EGFLAM: variants seen among roughly 807,000 people sequenced by gnomAD.
EGFLAM encodes the protein pikachurin.
EGFLAM carries 79 observed loss-of-function variants against 113.1 expected under a neutral mutation model. The observed-to-expected ratio is 0.70, with a 90% CI of 0.58 to 0.84. The LOEUF (loss-of-function observed/expected upper bound fraction) is 0.84, where lower values mean the gene tolerates loss of function less well. EGFLAM is among the 40% of genes least tolerant of loss of function. The probability of loss-of-function intolerance (pLI) is 0.00; values close to 1 mark genes in which losing one functional copy is unlikely to be tolerated. For synonymous variants in EGFLAM, 504 were observed against 487.6 expected, an observed-to-expected ratio of 1.03 and a Z score of -0.44; for missense variants, 1,265 against 1,291.6, an observed-to-expected ratio of 0.98 and a Z score of 0.32.
chr5:38,274,731 G>A (rs7725096), intron 1 of EGFLAM, among the ~76,000 whole-genome samples: 62,908 of 151,836 alleles, frequency 0.41, 13,561 homozygotes, highest in Middle Eastern at 0.58. Context: ...AAAGAAAAGG[G>A]TGCCAATGAG....
At position 38,338,760 on chromosome 5, in the gene EGFLAM, C is replaced by A. The variant is rs1184278826; in HGVS notation, c.270C>A (p.Leu90=). ...SLQEQLHSVP[L]SRDIPTTEEV... ...AGGAGCAGTTGCACAGCGTGCCTCT[C>A]AGCCGGGACATCCCGACCACGGTGA... The change falls in exon 3 of 22, where the codon CTC becomes CTA. Residue 90 remains leucine, a synonymous_variant. Coordinates refer to ENST00000322350, the MANE Select transcript of EGFLAM (RefSeq NM_152403.4). 6.2e-7 allele frequency: 1 copy of A among 1,614,140 alleles called. No homozygotes were observed. The highest frequency in any genetic ancestry group is 8.5e-7 in the Non-Finnish European group (1 of 1,180,040).
intron 5 of EGFLAM, among the ~76,000 whole-genome samples, chr5:38,360,234 A>C (rs1739883035): frequency 6.6e-6 from 1 of 152,230 alleles, no homozygotes; most frequent in Admixed American, 6.5e-5. Flanking sequence ...GATTTGACTC[A>C]TGGTCAAGGT....
At chr5:38,415,392 T>C (rs890619888) in intron 11 of EGFLAM, among the ~76,000 whole-genome samples, 1 of 145,412 alleles carries the variant, frequency 6.9e-6, no homozygotes, top group Admixed American at 6.8e-5. Flanking sequence ...AATTAAGAAT[T>C]AATTTGATTG....
At chr5:38,452,299 T>C (rs1376823614) in intron 19 of EGFLAM, among the ~76,000 whole-genome samples, 1 of 152,112 alleles carries the variant, frequency 6.6e-6, no homozygotes, top group African/African-American at 2.4e-5. Flanking sequence ...CCCAAAGTGC[T>C]GGGATTACAG....
chr5:38,438,464 A>G lies in EGFLAM; in HGVS notation c.2464+9A>G, dbSNP rs749383971. The G allele has an allele frequency of 6.3e-7, 1 of 1,590,082 alleles. No homozygotes were observed. Among genetic ancestry groups the G allele is most frequent in the South Asian group, 1.1e-5 (1 of 87,340 alleles). Reference sequence around the variant, plus strand: ...GCTTCACTGCCAGAAAGGTACGCTCAGGGGTCTGAGGCACAGCTCCCTGGA... The same window carrying G: ...GCTTCACTGCCAGAAAGGTACGCTCGGGGGTCTGAGGCACAGCTCCCTGGA... On this transcript the variant is annotated intron_variant, in intron 17 of 21. Transcript: ENST00000322350.
At chr5:38,396,474 T>A (rs1250874109) in intron 6 of EGFLAM, among the ~76,000 whole-genome samples, 1 of 152,252 alleles carries the variant, frequency 6.6e-6, no homozygotes, top group African/African-American at 2.4e-5. Flanking sequence ...GCATTTACCA[T>A]GTGCAGAGCA....
At chr5:38,297,959 C>T (rs1292039824) in intron 1 of EGFLAM, among the ~76,000 whole-genome samples, 1 of 152,184 alleles carries the variant, frequency 6.6e-6, no homozygotes, top group Non-Finnish European at 1.5e-5. Flanking sequence ...CAATGTTGCT[C>T]CAGGGCATTT....
intron 1 of EGFLAM, among the ~76,000 whole-genome samples, chr5:38,311,105 A>G (rs1210375794): frequency 6.6e-6 from 1 of 152,024 alleles, no homozygotes; most frequent in East Asian, 1.9e-4. Context: ...ATTGACAAAG[A>G]TTATATTTAT....
chr5:38,337,623 G>T lies in EGFLAM; in HGVS notation c.201G>T (p.Gly67=). The change falls in exon 2 of 22, where the codon GGG becomes GGT. Residue 67 remains glycine, a synonymous_variant. Transcript: ENST00000322350. ...GGCATCCTGGAAGTCCCATCCTTGG[G>T]TACACTGTGAGTACACGGGCATGGG... ...MPRHPGSPIL[G]YTVFYSEVGA... 6.3e-7 allele frequency: 1 copy of T among 1,598,114 alleles called. No homozygotes were observed. Among genetic ancestry groups the T allele is most frequent in the Non-Finnish European group, 8.5e-7 (1 of 1,170,770 alleles).
intron 5 of EGFLAM, among the ~76,000 whole-genome samples, chr5:38,355,186 G>A (rs1053865062): frequency 3.3e-5 from 5 of 152,314 alleles, no homozygotes; most frequent in African/African-American, 1.2e-4. Context: ...AGGCAACCGG[G>A]TCTTCACTGG....
At chr5:38,425,910 G>A (rs373068415) in intron 13 of EGFLAM, among the ~76,000 whole-genome samples, 3 of 152,162 alleles carry the variant, frequency 2.0e-5, no homozygotes, top group South Asian at 2.1e-4. Context: ...GGCGGATCAC[G>A]AGGCCAACGT....
Position 38,267,612 on chromosome 5 carries a change from T to C in EGFLAM, c.97+8761T>C, listed in dbSNP as rs55928192. On this transcript the variant is annotated intron_variant, in intron 1 of 21. Transcript: ENST00000322350. ...AGTGACTCTACGAATTACTTTAATC[T>C]CTACCCTGGGGGAGCTTAGTTAACA... 6.5e-3 allele frequency among the ~76,000 whole-genome samples: 996 copies of C among 152,312 alleles called. 11 individuals carry two copies. Among genetic ancestry groups the C allele is most frequent in the African/African-American group, 0.023 (963 of 41,566 alleles).
chr5:38,303,482 G>A (rs1758643684), intron 1 of EGFLAM, among the ~76,000 whole-genome samples: 1 of 152,116 alleles, frequency 6.6e-6, no homozygotes, highest in Non-Finnish European at 1.5e-5. Context: ...GATGAGTCCA[G>A]TTATCTATAG....
At position 38,320,614 on chromosome 5, in the gene EGFLAM, A is replaced by G. The variant is rs530803322; in HGVS notation, c.98-16906A>G. Among the ~76,000 whole-genome samples, 5 of 152,148 alleles carry G rather than the reference A, an allele frequency of 3.3e-5. No individual in the cohort carries two copies. In the East Asian group the frequency reaches 9.7e-4, roughly 29 times the overall value. On this transcript the variant is annotated intron_variant, in intron 1 of 21. Transcript: ENST00000322350. ...TGTATATGTGTGTCTGCATGTGTGCATATGCTTACGTGTGTGTGTGTATAT... is the reference window on the plus strand; with the variant it reads ...TGTATATGTGTGTCTGCATGTGTGCGTATGCTTACGTGTGTGTGTGTATAT...
chr5:38,440,287 C>T (rs999932028), intron 17 of EGFLAM, among the ~76,000 whole-genome samples: 2 of 152,196 alleles, frequency 1.3e-5, no homozygotes, highest in Admixed American at 6.5e-5. Context: ...AATCAAGATA[C>T]TGCTTCTGGG....
chr5:38,278,933 C>T (rs529041028), intron 1 of EGFLAM, among the ~76,000 whole-genome samples: 1 of 152,106 alleles, frequency 6.6e-6, no homozygotes, highest in South Asian at 2.1e-4. Flanking sequence ...AGACAAAATA[C>T]AGAATGGGAG....
chr5:38,417,925 G>T, intron 11 of EGFLAM, 141 bp from the exon 12 acceptor site: 1 of 822,574 alleles, frequency 1.2e-6, no homozygotes, highest in Non-Finnish European at 1.8e-6. Context: ...AGTAAGGCAA[G>T]GTCTTAAAGA....
chr5:38,360,979 C>T lies in EGFLAM; in HGVS notation c.545+8648C>T, dbSNP rs185399232. Among the ~76,000 whole-genome samples the T allele has an allele frequency of 4.2e-3, 632 of 151,572 alleles. 5 individuals carry two copies. Among genetic ancestry groups the T allele is most frequent in the African/African-American group, 0.014 (565 of 41,276 alleles). The stretch of plus-strand genomic sequence containing the variant: ...AAGCAATCCTCCTACCTCAGCCTCC[C>T]GAGTAGCTAGGATTACAGGCATGTG... On this transcript the variant is annotated intron_variant, in intron 5 of 21. Transcript: ENST00000322350.
intron 1 of EGFLAM, among the ~76,000 whole-genome samples, chr5:38,331,825 C>T (rs570229067): frequency 5.3e-5 from 8 of 152,296 alleles, no homozygotes; most frequent in Non-Finnish European, 1.0e-4. Flanking sequence ...TATCCATTCA[C>T]CTACTATAGA....
Sources: allele counts gnomAD v4.1 joint callset (sites outside exome capture counted in the v4.1 genomes callset), GRCh38; gene constraint gnomAD v4.1.1; transcripts MANE v1.5; gene names NCBI Gene and HGNC (gene_info 2026-07-23, HGNC 2026-07-21).